The following PRR16 variants were observed in gnomAD, a reference collection of about 807,000 sequenced individuals.
The protein encoded by PRR16 is protein Largen.
A neutral mutation model predicts 18.2 loss-of-function variants in PRR16; 6 were observed. That is an observed-to-expected ratio of 0.33 (90% CI 0.18 to 0.65). The LOEUF (loss-of-function observed/expected upper bound fraction) is 0.65, where lower values mean the gene tolerates loss of function less well. PRR16 is among the 30% of genes least tolerant of loss of function. The pLI is 0.74. For missense variants in PRR16, 412 were observed against 376.6 expected (o/e 1.09, Z -0.78); for synonymous variants, 151 against 147.8 (o/e 1.02, Z -0.16).
At chr5:120,587,252 C>T (rs2112767077) in intron 1 of PRR16, among the ~76,000 whole-genome samples, 1 of 152,246 alleles carries the variant, frequency 6.6e-6, no homozygotes, top group East Asian at 1.9e-4. Context: ...TATAAAGCAG[C>T]AGCAGATGAT....
intron 1 of PRR16, among the ~76,000 whole-genome samples, chr5:120,573,302 T>G (rs569963873): frequency 6.6e-6 from 1 of 152,326 alleles, no homozygotes; most frequent in East Asian, 1.9e-4. Flanking sequence ...AATTCTTGCT[T>G]TGAGATGTTT....
intron 1 of PRR16, among the ~76,000 whole-genome samples, chr5:120,662,044 G>T (rs1236495012): frequency 6.6e-6 from 1 of 152,028 alleles, no homozygotes; most frequent in African/African-American, 2.4e-5. Flanking sequence ...GGAGTGTAAT[G>T]GGCTATAGTC....
downstream of PRR16, among the ~76,000 whole-genome samples, chr5:120,687,526 T>A (rs1336406086): frequency 6.6e-6 from 1 of 152,206 alleles, no homozygotes; most frequent in Admixed American, 6.5e-5. Context: ...TCTGTTGAAC[T>A]CTCCCTATGT....
chr5:120,752,558 A>T, the PRR16 span, among the ~76,000 whole-genome samples: 1 of 152,076 alleles, frequency 6.6e-6, no homozygotes, highest in South Asian at 2.1e-4. Context: ...GAAAAGGGAA[A>T]ATAAGATTTT....
At chr5:120,665,116 C>T (rs370641119) in intron 1 of PRR16, among the ~76,000 whole-genome samples, 4,089 of 92,324 alleles carry the variant, frequency 0.044, 37 homozygotes, top group Middle Eastern at 0.088. Flanking sequence ...TCTCCAGCAC[C>T]TGTTGTTTCC....
chr5:120,487,422 G>T (rs949761381), intron 1 of PRR16, among the ~76,000 whole-genome samples: 3 of 152,244 alleles, frequency 2.0e-5, no homozygotes, highest in East Asian at 1.9e-4. Flanking sequence ...GTGAATGGGC[G>T]TTCACTCATG....
chr5:120,547,042 T>C (rs914918824), intron 1 of PRR16, among the ~76,000 whole-genome samples: 1 of 152,058 alleles, frequency 6.6e-6, no homozygotes, highest in Non-Finnish European at 1.5e-5. Flanking sequence ...TTTTGAGATG[T>C]TGCTATGGTG....
At chr5:120,622,378 T>C (rs1365124778) in intron 1 of PRR16, among the ~76,000 whole-genome samples, 2 of 152,148 alleles carry the variant, frequency 1.3e-5, no homozygotes, top group African/African-American at 4.8e-5. Flanking sequence ...TGAAGTTGTG[T>C]CTTATTCATT....
the PRR16 span, among the ~76,000 whole-genome samples, chr5:120,751,914 T>C: frequency 2.6e-5 from 4 of 152,106 alleles, no homozygotes; most frequent in African/African-American, 9.6e-5. Context: ...CTCAGAATTA[T>C]GTGATATTAA....
the PRR16 span, among the ~76,000 whole-genome samples, chr5:120,726,502 G>A: frequency 6.6e-6 from 1 of 151,828 alleles, no homozygotes; most frequent in African/African-American, 2.4e-5. Flanking sequence ...GTTCTCTTCT[G>A]GCTCCTGACA....
intron 1 of PRR16, among the ~76,000 whole-genome samples, chr5:120,562,418 T>C (rs1752604365): frequency 6.6e-6 from 1 of 152,168 alleles, no homozygotes; most frequent in Admixed American, 6.6e-5. Context: ...CTGTGACTTT[T>C]TTTATATACA....
At chr5:120,783,020 A>G in the PRR16 span, among the ~76,000 whole-genome samples, 2 of 152,192 alleles carry the variant, frequency 1.3e-5, 1 homozygote, top group Admixed American at 1.3e-4. Context: ...TTCATGCAGT[A>G]TGTCTTGCTG....
intron 1 of PRR16, among the ~76,000 whole-genome samples, chr5:120,494,599 A>G (rs980970013): frequency 6.6e-6 from 1 of 152,148 alleles, no homozygotes; most frequent in South Asian, 2.1e-4. Context: ...TTCTTAGAGC[A>G]AAAGTTTTAA....
intron 1 of PRR16, among the ~76,000 whole-genome samples, chr5:120,477,726 C>T (rs1749487330): frequency 6.6e-6 from 1 of 152,110 alleles, no homozygotes; most frequent in East Asian, 1.9e-4. Context: ...CACAGTTGTC[C>T]TCCCTTCCTT....
intron 1 of PRR16, among the ~76,000 whole-genome samples, chr5:120,651,610 G>C (rs1388174752): frequency 6.6e-6 from 1 of 152,046 alleles, no homozygotes; most frequent in East Asian, 1.9e-4. Context: ...TCTTGTTTTT[G>C]TCAGGTTTGT....
intron 1 of PRR16, among the ~76,000 whole-genome samples, chr5:120,681,563 C>T (rs1035547055): frequency 2.6e-5 from 4 of 152,052 alleles, no homozygotes; most frequent in Admixed American, 6.6e-5. Flanking sequence ...TTACCAATGC[C>T]TTTGTTTATC....
the PRR16 span, among the ~76,000 whole-genome samples, chr5:120,736,067 G>A: frequency 6.6e-6 from 1 of 152,098 alleles, no homozygotes; most frequent in Non-Finnish European, 1.5e-5. Flanking sequence ...AAATTATTGA[G>A]GAGGCTATTC....
intron 1 of PRR16, among the ~76,000 whole-genome samples, chr5:120,617,850 C>T (rs1276303388): frequency 2.0e-5 from 3 of 152,096 alleles, no homozygotes; most frequent in Non-Finnish European, 4.4e-5. Context: ...TTACCTTTAA[C>T]AGCTGTGAAT....
intron 1 of PRR16, among the ~76,000 whole-genome samples, chr5:120,626,658 C>T (rs1264952792): frequency 3.9e-5 from 6 of 152,110 alleles, no homozygotes; most frequent in Non-Finnish European, 4.4e-5. Flanking sequence ...TAGATTGGAT[C>T]ATGGCCCAGA....
Sources: gnomAD v4.1 joint callset for allele counts (sites outside exome capture counted in the v4.1 genomes callset) on GRCh38, gnomAD v4.1.1 for gene constraint, MANE v1.5 for transcripts, NCBI Gene and HGNC (gene_info 2026-07-23, HGNC 2026-07-21) for gene names.